The following PFKL variants were observed in gnomAD, a reference collection of about 807,000 sequenced individuals.
The protein encoded by PFKL is ATP-dependent 6-phosphofructokinase, liver type.
Under a neutral mutation model 92.1 loss-of-function variants are expected in PFKL, and 74 were observed. The ratio of observed to expected loss-of-function variants is 0.80; its 90% CI spans 0.67 to 0.97. PFKL has a LOEUF of 0.97. Among genes scored for constraint, PFKL ranks in the 50% least tolerant of loss-of-function variants. The pLI is 0.00. For missense variants in PFKL, 1,028 were observed against 1,116.6 expected (o/e 0.92, Z 1.13); for synonymous variants, 494 against 456.4 (o/e 1.08, Z -1.05).
intron 5 of PFKL, 67 bp downstream of exon 5, chr21:44,313,210 C>T (rs1228225097): frequency 1.1e-5 from 17 of 1,554,898 alleles, no homozygotes; most frequent in Non-Finnish European, 1.4e-5. Flanking sequence ...GAGGTGGTCT[C>T]AGGGTGACGG....
Position 44,325,913 on chromosome 21 carries a change from C to T in PFKL, c.1990-48C>T, listed in dbSNP as rs955900845. 8.1e-6 allele frequency: 12 copies of T among 1,479,116 alleles called. No homozygotes were observed. In the African/African-American group the frequency reaches 1.2e-4, roughly 15 times the overall value. The allele number at this position is 1,479,116 out of a possible 1,614,324, so 91.6% of individuals were successfully genotyped here. On this transcript the variant is annotated intron_variant, in intron 19 of 21. Coordinates refer to ENST00000349048, the MANE Select transcript of PFKL (RefSeq NM_002626.6). The stretch of plus-strand genomic sequence containing the variant: ...TGTCTGCACTGGCGTTGGCCTTGGC[C>T]CAGGCAGCCCAGGGGAGTCCAGGGA...
intron 2 of PFKL, among the ~76,000 whole-genome samples, chr21:44,308,686 T>G (rs1232812643): frequency 6.6e-6 from 1 of 151,452 alleles, no homozygotes; most frequent in African/African-American, 2.4e-5. Flanking sequence ...CTCAGCCTCC[T>G]GAGTAGCTGG....
intron 9 of PFKL, 79 bp downstream of exon 9, chr21:44,316,603 C>T (rs965243017): frequency 1.5e-5 from 16 of 1,067,868 alleles, no homozygotes; most frequent in South Asian, 5.9e-5. Context: ...AGTGTGCACG[C>T]GAGCATGGCA....
Position 44,321,739 on chromosome 21 carries a change from C to T in PFKL, c.1202C>T (p.Ser401Phe), listed in dbSNP as rs1293485350. The change falls in exon 13 of 22, where the codon TCC (serine) becomes TTC (phenylalanine). Residue 401 changes from serine (S) to phenylalanine (F), a missense_variant. Coordinates refer to ENST00000349048, the MANE Select transcript of PFKL (RefSeq NM_002626.6). ...CCCTTCTCTCTGAAGTCTAACTTCTCCCTGGCCATCCTGAATGTGGGGGCC... is the reference window on the plus strand; with the variant it reads ...CCCTTCTCTCTGAAGTCTAACTTCTTCCTGGCCATCCTGAATGTGGGGGCC... ...QKPPKEKSNF[S>F]LAILNVGAPA... 1.9e-6 allele frequency: 3 copies of T among 1,574,452 alleles called. No homozygotes were observed. Among genetic ancestry groups the T allele is most frequent in the Non-Finnish European group, 1.7e-6 (2 of 1,161,090 alleles).
intron 1 of PFKL, among the ~76,000 whole-genome samples, chr21:44,303,441 A>AAAAAAAAAGACACTTGATCG (rs1555874961): frequency 1.0e-5 from 1 of 97,096 alleles, no homozygotes; most frequent in African/African-American, 5.3e-5. Context: ...ACCAAAAAAA[A>AAAAAAAAAGACACTTGATCG]AAAAAAAAAA....
chr21:44,317,283 C>T (rs2047233181), intron 9 of PFKL, among the ~76,000 whole-genome samples: 1 of 152,200 alleles, frequency 6.6e-6, no homozygotes, highest in Non-Finnish European at 1.5e-5. Context: ...AGCCCTGTGA[C>T]TGCACCTGGC....
chr21:44,317,364 G>C (rs945757845), intron 9 of PFKL, among the ~76,000 whole-genome samples: 3 of 152,188 alleles, frequency 2.0e-5, no homozygotes, highest in East Asian at 1.9e-4. Flanking sequence ...ACTCTATAGA[G>C]GGGAGGCTTC....
intron 1 of PFKL, chr21:44,304,264 G>T: frequency 1.6e-6 from 2 of 1,289,226 alleles, no homozygotes; most frequent in Middle Eastern, 2.2e-4. Flanking sequence ...GGGCCCCTTT[G>T]CCGTTCCCAG....
chr21:44,304,435 C>G (rs1178534293), intron 1 of PFKL: 2 of 1,219,158 alleles, frequency 1.6e-6, no homozygotes, highest in African/African-American at 3.2e-5. Context: ...CTTGCCCTGC[C>G]TCAGCTGCTG....
rs1320475789 is a variant in PFKL, at chr21:44,324,478, C to G, written c.1651-13C>G. ...GGCACGTGGAGGACCCCCGACCCCC[C>G]CTTGTCCCCCAGAGCTGTGACCGCA... On this transcript the variant is annotated splice_polypyrimidine_tract_variant and intron_variant, in intron 16 of 21. Transcript: ENST00000349048. The G allele has an allele frequency of 8.7e-6, 14 of 1,612,714 alleles. No individual in the cohort carries two copies. Among genetic ancestry groups the G allele is most frequent in the East Asian group, 2.2e-5 (1 of 44,850 alleles).
At chr21:44,322,292 C>A in intron 14 of PFKL, 89 bp downstream of exon 14, 1 of 1,278,458 alleles carries the variant, frequency 7.8e-7, no homozygotes, top group Non-Finnish European at 1.1e-6. Context: ...GGGAACCCAG[C>A]CCGGGGCCCT....
chr21:44,325,826 G>A (rs965001941), intron 19 of PFKL, 135 bp from the exon 20 acceptor site: 22 of 635,474 alleles, frequency 3.5e-5, no homozygotes, highest in Middle Eastern at 7.3e-4. Flanking sequence ...AGACGGGAAC[G>A]GTGCACGGGT....
intron 2 of PFKL, among the ~76,000 whole-genome samples, chr21:44,310,321 G>A (rs1422643200): frequency 2.0e-5 from 3 of 152,234 alleles, no homozygotes; most frequent in Non-Finnish European, 4.4e-5. Flanking sequence ...GGTACTGGAT[G>A]GAAGGCCCAG....
rs2146037852 is a variant in PFKL at position 44,326,793 on chromosome 21, G to A, written c.2274G>A (p.Met758Ile). 6.2e-7 allele frequency: 1 copy of A among 1,609,448 alleles called. No individual in the cohort carries two copies. Among genetic ancestry groups the A allele is most frequent in the South Asian group, 1.1e-5 (1 of 90,256 alleles). ...LKMLAQYRIS[M>I]AAYVSGELEH... ...TGCTGGCACAATACCGCATCAGTATGGCCGCCTACGTGTCAGGGGAGCTGG... is the reference window on the plus strand; with the variant it reads ...TGCTGGCACAATACCGCATCAGTATAGCCGCCTACGTGTCAGGGGAGCTGG... Residue 758 changes from methionine (M) to isoleucine (I), a missense_variant, in exon 22 of 22, where the codon ATG (methionine) becomes ATA (isoleucine). Physicochemically the swap from Met to Ile is conservative, Grantham distance 10. Transcript: ENST00000349048.
At position 44,326,997 on chromosome 21, in the gene PFKL, C is replaced by A; in HGVS notation, c.*135C>A. 1.3e-6 allele frequency: 1 copy of A among 795,326 alleles called. No homozygotes were observed. The highest frequency in any genetic ancestry group is 2.0e-6 in the Non-Finnish European group (1 of 501,790). 49.3% of individuals were successfully genotyped at this position (795,326 alleles called of 1,614,324 possible). A position where few individuals can be genotyped will look rare whatever the true frequency, so the allele number is the denominator to read the frequency against. On this transcript the variant is annotated 3_prime_UTR_variant, in exon 22 of 22. Transcript: ENST00000349048. ...GCGTCCCTGCTCAGCCCATCCCCTG[C>A]CTCTATCCCTGGCCACCTGCCAGGC...
rs570407433 is a variant in PFKL at position 44,316,307 on chromosome 21, G to A, written c.811G>A (p.Gly271Arg). 9.9e-5 allele frequency: 159 copies of A among 1,613,278 alleles called. No homozygotes were observed. Among genetic ancestry groups the A allele is most frequent in the Non-Finnish European group, 1.1e-4 (135 of 1,179,960 alleles). ...IIAEGAIDRNGKPISSSYVKD... is the reference protein window; with the variant it reads ...IIAEGAIDRNRKPISSSYVKD... ...CGCTGAGGGTGCCATTGACCGCAAC[G>A]GGAAGCCCATCTCGTCCAGCTACGT... The change falls in exon 8 of 22, where the codon GGG (glycine) becomes AGG (arginine). Residue 271 changes from glycine to arginine, a missense_variant. Transcript: ENST00000349048.
intron 3 of PFKL, 66 bp downstream of exon 3, chr21:44,311,149 TGCACACACAG>T: frequency 1.6e-6 from 2 of 1,245,514 alleles, no homozygotes. Flanking sequence ...GAGACAGACC[TGCACACACAG>T]ACACACACAC....
In PFKL at chr21:44,306,672, C is replaced by T; in HGVS notation, c.86-9C>T. The T allele has an allele frequency of 6.2e-7, 1 of 1,612,738 alleles. No individual in the cohort carries two copies. Among genetic ancestry groups the T allele is most frequent in the South Asian group, 1.1e-5 (1 of 90,848 alleles). ...CGTGGGACTGACAGGTTTGCCCTGA[C>T]CTCCACAGGCATGAACGCTGCTGTC... On this transcript the variant is annotated splice_polypyrimidine_tract_variant and intron_variant, in intron 1 of 21. Transcript: ENST00000349048.
chr21:44,305,120 C>T lies in PFKL; in HGVS notation c.86-1561C>T, dbSNP rs1034300671. On this transcript the variant is annotated intron_variant, in intron 1 of 21. Coordinates refer to ENST00000349048, the MANE Select transcript of PFKL (RefSeq NM_002626.6). Reference sequence around the variant, plus strand: ...GGGTGGGTCTGGGTGAGTCCTGGCTCTGCTGCCACCTGCTGGGCTCTGGAA... The same window carrying T: ...GGGTGGGTCTGGGTGAGTCCTGGCTTTGCTGCCACCTGCTGGGCTCTGGAA... 9 of 661,096 alleles carry T rather than the reference C, an allele frequency of 1.4e-5. No homozygotes were observed. The African/African-American group carries it at 1.7e-4, about 13-fold the overall frequency. 41.0% of individuals were successfully genotyped at this position (661,096 alleles called of 1,614,324 possible).
Sources: allele counts gnomAD v4.1 joint callset (sites outside exome capture counted in the v4.1 genomes callset), GRCh38; gene constraint gnomAD v4.1.1; transcripts MANE v1.5; gene names NCBI Gene and HGNC (gene_info 2026-07-23, HGNC 2026-07-21).